The following ARHGAP20 variants were observed in gnomAD, a reference collection of about 807,000 sequenced individuals.
ARHGAP20 encodes the protein Rho GTPase activating protein 20, also known as rho GTPase-activating protein 20.
A neutral mutation model predicts 73.7 loss-of-function variants in ARHGAP20; 34 were observed. The observed-to-expected ratio is 0.46, with a 90% confidence interval of 0.35 to 0.61. The LOEUF (loss-of-function observed/expected upper bound fraction) is 0.61. ARHGAP20 is among the 20% of genes least tolerant of loss of function. The pLI, the probability that ARHGAP20 is intolerant of heterozygous loss-of-function variation, is 0.00. For synonymous variants in ARHGAP20, 523 were observed against 518.2 expected (o/e 1.01, Z -0.13); for missense variants, 1,314 against 1,420.9 (o/e 0.92, Z 1.21).
chr11:110,707,984 T>C (rs1240323777), intron 1 of ARHGAP20, among the ~76,000 whole-genome samples: 1 of 148,334 alleles, frequency 6.7e-6, no homozygotes, highest in Non-Finnish European at 1.5e-5. Context: ...AAAAAAAAAA[T>C]GACAAATTGT....
intron 2 of ARHGAP20, among the ~76,000 whole-genome samples, chr11:110,668,950 CA>C (rs1394999339): frequency 7.9e-5 from 12 of 151,960 alleles, no homozygotes; most frequent in Non-Finnish European, 1.6e-4. Flanking sequence ...ACCCTTATTT[CA>C]TAAAATATAT....
At chr11:110,630,543 T>C in intron 3 of ARHGAP20, 85 bp downstream of exon 3, 3 of 1,350,284 alleles carry the variant, frequency 2.2e-6, no homozygotes, top group Non-Finnish European at 2.0e-6. Context: ...AAGACATTCT[T>C]ACAGTAAGCA....
At chr11:110,625,683 G>T (rs1451388378) in intron 3 of ARHGAP20, among the ~76,000 whole-genome samples, 1 of 150,502 alleles carries the variant, frequency 6.6e-6, no homozygotes, top group Non-Finnish European at 1.5e-5. Flanking sequence ...CCTAATCCCT[G>T]TAGACTCCTG....
At chr11:110,639,201 G>T (rs192399754) in intron 2 of ARHGAP20, among the ~76,000 whole-genome samples, 8 of 151,406 alleles carry the variant, frequency 5.3e-5, no homozygotes, top group African/African-American at 1.9e-4. Flanking sequence ...TCTAGTAGAG[G>T]TTGGAAACCG....
At chr11:110,688,398 A>T (rs1008185001) in intron 2 of ARHGAP20, among the ~76,000 whole-genome samples, 5 of 152,078 alleles carry the variant, frequency 3.3e-5, no homozygotes, top group African/African-American at 1.2e-4. Context: ...TCCTGATCTA[A>T]GGCTAAAGCT....
In ARHGAP20 at chr11:110,579,716, G is replaced by A; in HGVS notation, c.3230C>T (p.Ala1077Val). The A allele has an allele frequency of 2.5e-6, 4 of 1,614,220 alleles. No homozygotes were observed. The highest frequency in any genetic ancestry group is 3.4e-6 in the Non-Finnish European group (4 of 1,180,034). The change falls in exon 15 of 15, where the codon GCT (alanine) becomes GTT (valine). Residue 1077 changes from alanine (A) to valine (V), a missense_variant. Physicochemically the swap from Ala to Val is moderately conservative, Grantham distance 64. Coordinates refer to ENST00000683387, the MANE Select transcript of ARHGAP20 (RefSeq NM_001384657.1). ...TGAGTTGGCTTCTGGAACACCAGAAGCATGTGGGGGTGGCTCTAAGGGTCC... is the reference window on the plus strand; with the variant it reads ...TGAGTTGGCTTCTGGAACACCAGAAACATGTGGGGGTGGCTCTAAGGGTCC... ...PKGPLEPPPH[A>V]SGVPEANSLQ...
chr11:110,598,668 G>A (rs1948033305), intron 9 of ARHGAP20, among the ~76,000 whole-genome samples: 1 of 152,218 alleles, frequency 6.6e-6, no homozygotes, highest in Admixed American at 6.5e-5. Flanking sequence ...AGTGATGGCA[G>A]CAGCAGGCTG....
chr11:110,577,107 A>G lies in ARHGAP20; in HGVS notation c.*2263T>C, dbSNP rs764710509. 2 of 1,532,758 alleles carry G rather than the reference A, an allele frequency of 1.3e-6. No individual in the cohort carries two copies. The highest frequency in any genetic ancestry group is 1.2e-5 in the South Asian group (1 of 83,396). 94.9% of individuals were successfully genotyped at this position (1,532,758 alleles called of 1,614,324 possible). A position where few individuals can be genotyped will look rare whatever the true frequency, so the allele number is the denominator to read the frequency against. ...AGCATGGACTTCATACATATCCATT[A>G]TCAGTGCCTTGAAAACCAAACAACT... is the stretch of plus-strand genomic sequence containing the variant. On this transcript the variant is annotated 3_prime_UTR_variant, in exon 15 of 15. Transcript: ENST00000683387.
intron 2 of ARHGAP20, among the ~76,000 whole-genome samples, chr11:110,667,286 T>C (rs897807122): frequency 6.6e-6 from 1 of 152,246 alleles, no homozygotes; most frequent in Non-Finnish European, 1.5e-5. Flanking sequence ...ATGCAGCTGG[T>C]GACTTTAAGT....
In ARHGAP20 at chr11:110,712,363, G is replaced by A; in HGVS notation, c.-132C>T. On this transcript the variant is annotated 5_prime_UTR_variant, in exon 1 of 15. Transcript: ENST00000683387. ...TGCTCAGGCAGGGAGCCGAGCTCCGGGTGCTCGCCGCGCGCCTCCCGTCGG... is the reference window on the plus strand; with the variant it reads ...TGCTCAGGCAGGGAGCCGAGCTCCGAGTGCTCGCCGCGCGCCTCCCGTCGG... The A allele has an allele frequency of 1.6e-6, 1 of 631,800 alleles. No homozygotes were observed. The allele number at this position is 631,800 out of a possible 1,614,324, so 39.1% of individuals were successfully genotyped here. A position where few individuals can be genotyped will look rare whatever the true frequency, so the allele number is the denominator to read the frequency against.
intron 1 of ARHGAP20, among the ~76,000 whole-genome samples, chr11:110,711,219 C>G (rs1950646344): frequency 6.6e-6 from 1 of 152,114 alleles, no homozygotes; most frequent in Non-Finnish European, 1.5e-5. Flanking sequence ...GCACAGCGGC[C>G]GTGTTTATCG....
intron 2 of ARHGAP20, among the ~76,000 whole-genome samples, chr11:110,649,379 A>G (rs972067358): frequency 2.0e-5 from 3 of 151,926 alleles, no homozygotes; most frequent in African/African-American, 4.8e-5. Flanking sequence ...AAAACAAGAA[A>G]CAAAACAAAA....
At chr11:110,618,556 A>T (rs866725636) in intron 4 of ARHGAP20, among the ~76,000 whole-genome samples, 2 of 152,248 alleles carry the variant, frequency 1.3e-5, no homozygotes, top group Non-Finnish European at 2.9e-5. Context: ...GTAGTGATAG[A>T]GTATATGTAG....
At chr11:110,694,895 C>T (rs1192288060) in intron 1 of ARHGAP20, among the ~76,000 whole-genome samples, 1 of 151,554 alleles carries the variant, frequency 6.6e-6, no homozygotes, top group African/African-American at 2.4e-5. Context: ...TACCACCATC[C>T]CCAAATGCAC....
chr11:110,711,117 C>A (rs1265962042), intron 1 of ARHGAP20, among the ~76,000 whole-genome samples: 2 of 152,126 alleles, frequency 1.3e-5, no homozygotes, highest in East Asian at 3.9e-4. Flanking sequence ...CCTCAGGGAG[C>A]GAAACGGCAG....
At chr11:110,709,019 T>C (rs147304720) in intron 1 of ARHGAP20, among the ~76,000 whole-genome samples, 156 of 152,300 alleles carry the variant, frequency 1.0e-3, no homozygotes, top group Non-Finnish European at 1.3e-3. Flanking sequence ...CATTACACAA[T>C]GTACCACTCA....
chr11:110,669,673 G>A lies in ARHGAP20; in HGVS notation c.188+20874C>T, dbSNP rs766848471. Among the ~76,000 whole-genome samples, 26 of 152,098 alleles carry A rather than the reference G, an allele frequency of 1.7e-4. 1 individual carries two copies. The highest frequency in any genetic ancestry group is 4.1e-4 in the South Asian group (2 of 4,828). ...AGTTCTGACCAGAGCAAGTGTTGACGAAGATGTGGAGCAACTGTAACATTC... is the reference window on the plus strand; with the variant it reads ...AGTTCTGACCAGAGCAAGTGTTGACAAAGATGTGGAGCAACTGTAACATTC... On this transcript the variant is annotated intron_variant, in intron 2 of 14. Transcript: ENST00000683387.
At chr11:110,604,868 C>A (rs894145075) in intron 9 of ARHGAP20, among the ~76,000 whole-genome samples, 1 of 152,154 alleles carries the variant, frequency 6.6e-6, no homozygotes, top group African/African-American at 2.4e-5. Flanking sequence ...CAGAAAGTGA[C>A]AGGCTGGCTG....
intron 2 of ARHGAP20, among the ~76,000 whole-genome samples, chr11:110,650,309 A>G (rs992258711): frequency 2.6e-5 from 4 of 152,308 alleles, no homozygotes; most frequent in African/African-American, 9.6e-5. Context: ...CAGAATTAAT[A>G]GCTAAACAAA....
Sources: gnomAD v4.1 joint callset for allele counts (sites outside exome capture counted in the v4.1 genomes callset) on GRCh38, gnomAD v4.1.1 for gene constraint, MANE v1.5 for transcripts, NCBI Gene and HGNC (gene_info 2026-07-23, HGNC 2026-07-21) for gene names.